ATL2: variants seen among roughly 807,000 people sequenced by gnomAD.
ATL2 encodes atlastin GTPase 2.
A neutral mutation model predicts 73.9 loss-of-function variants in ATL2; 31 were observed. The ratio of observed to expected loss-of-function variants is 0.42; its 90% CI spans 0.32 to 0.57. The LOEUF is 0.57. ATL2 is among the 20% of genes least tolerant of loss of function. The pLI is 0.14. For synonymous variants in ATL2, 291 were observed against 237.5 expected, an observed-to-expected ratio of 1.23 and a Z score of -2.07; for missense variants, 738 against 702.6, an observed-to-expected ratio of 1.05 and a Z score of -0.57.
Position 38,298,266 on chromosome 2 carries a change from A to C in ATL2, c.1510T>G (p.Cys504Gly), listed in dbSNP as rs754623082. 17 of 1,614,082 alleles carry C rather than the reference A, an allele frequency of 1.1e-5. No homozygotes were observed. The change falls in exon 12 of 13, where the codon TGT becomes GGT. Residue 504 changes from cysteine to glycine, a missense_variant. By Grantham distance (159) the Cys-to-Gly change is radical. Coordinates refer to ENST00000378954, the MANE Select transcript of ATL2 (RefSeq NM_001135673.4). ...FIGLNSIAVL[C>G]NLVMGLALIF... ...AGTGCTAACCCCATGACAAGGTTAC[A>C]CAAGACAGCTATAGAGTTTAGGCCA...
chr2:38,322,930 G>C (rs941781811), intron 2 of ATL2, among the ~76,000 whole-genome samples: 7 of 152,150 alleles, frequency 4.6e-5, no homozygotes, highest in African/African-American at 1.7e-4. Flanking sequence ...GAACTAATCA[G>C]ATTCTTTAAA....
At chr2:38,375,272 A>G (rs1388037269) in intron 1 of ATL2, among the ~76,000 whole-genome samples, 1 of 152,200 alleles carries the variant, frequency 6.6e-6, no homozygotes, top group African/African-American at 2.4e-5. Context: ...TTCTCACTTT[A>G]AACACAAATC....
upstream of ATL2, among the ~76,000 whole-genome samples, chr2:38,377,507 A>T (rs1279698323): frequency 7.6e-6 from 1 of 130,910 alleles, no homozygotes; most frequent in African/African-American, 2.9e-5. Context: ...CCCCGGCTCC[A>T]AGTTTCTGGT....
intron 4 of ATL2, among the ~76,000 whole-genome samples, chr2:38,318,154 C>T (rs1010380431): frequency 3.3e-5 from 5 of 151,928 alleles, no homozygotes; most frequent in Non-Finnish European, 7.4e-5. Flanking sequence ...AGTGAGAATC[C>T]ATCTCAAAAA....
chr2:38,358,234 G>A (rs1670792005), intron 1 of ATL2, among the ~76,000 whole-genome samples: 5 of 151,916 alleles, frequency 3.3e-5, no homozygotes, highest in Admixed American at 1.3e-4. Flanking sequence ...AATTTTCAAG[G>A]AAGAAAAAAA....
At chr2:38,319,755 G>T (rs754833445) in intron 2 of ATL2, among the ~76,000 whole-genome samples, 13 of 152,156 alleles carry the variant, frequency 8.5e-5, no homozygotes, top group Admixed American at 3.9e-4. Flanking sequence ...AAACAGCACT[G>T]CTTTCTCAGA....
chr2:38,357,402 T>C (rs1037691585), intron 1 of ATL2, among the ~76,000 whole-genome samples: 8 of 151,362 alleles, frequency 5.3e-5, no homozygotes, highest in Non-Finnish European at 1.2e-4. Context: ...ATTTACTTCC[T>C]ACAGAACCCT....
intron 1 of ATL2, among the ~76,000 whole-genome samples, chr2:38,370,832 T>A (rs369614940): frequency 2.7e-5 from 4 of 150,722 alleles, no homozygotes; most frequent in African/African-American, 9.8e-5. Context: ...TGCAAGCCTG[T>A]AGACCTAGCT....
At chr2:38,330,559 T>C (rs988471480) in intron 2 of ATL2, among the ~76,000 whole-genome samples, 1 of 152,154 alleles carries the variant, frequency 6.6e-6, no homozygotes, top group African/African-American at 2.4e-5. Flanking sequence ...TTCAATTTGT[T>C]TCAAGGATAC....
In ATL2 at chr2:38,299,559, T is replaced by C. The variant is rs576062839; in HGVS notation, c.1129-232A>G. Among the ~76,000 whole-genome samples, 138 of 152,314 alleles carry C rather than the reference T, an allele frequency of 9.1e-4. 1 individual carries two copies. The highest frequency in any genetic ancestry group is 3.2e-3 in the African/African-American group (135 of 41,580). Reference sequence around the variant, plus strand: ...TTGCTTAGGTTGATGTTAAAGTGTGTCTGCAGAAAACACCACATATGCTCA... The same window carrying C: ...TTGCTTAGGTTGATGTTAAAGTGTGCCTGCAGAAAACACCACATATGCTCA... On this transcript the variant is annotated intron_variant, in intron 10 of 12. Coordinates refer to ENST00000378954, the MANE Select transcript of ATL2 (RefSeq NM_001135673.4).
intron 2 of ATL2, among the ~76,000 whole-genome samples, chr2:38,334,859 A>ATT (rs1573511494): frequency 2.2e-5 from 1 of 44,504 alleles, no homozygotes; most frequent in East Asian, 1.4e-3. Flanking sequence ...TTCAATATTT[A>ATT]TATATTATAT....
chr2:38,325,692 ACACCAGT>A (rs1668590829), intron 2 of ATL2, among the ~76,000 whole-genome samples: 2 of 58,548 alleles, frequency 3.4e-5, no homozygotes, highest in Non-Finnish European at 5.4e-5. Flanking sequence ...ACACACACAC[ACACCAGT>A]ACACACACAC....
At chr2:38,362,206 G>T (rs767533117) in intron 1 of ATL2, among the ~76,000 whole-genome samples, 1 of 152,198 alleles carries the variant, frequency 6.6e-6, no homozygotes, top group Non-Finnish European at 1.5e-5. Context: ...TGGTATTTGA[G>T]ATTTCTAGCT....
At chr2:38,305,560 C>CA (rs1191689308) in intron 9 of ATL2, among the ~76,000 whole-genome samples, 3 of 151,512 alleles carry the variant, frequency 2.0e-5, no homozygotes, top group Non-Finnish European at 4.4e-5. Flanking sequence ...AAAAAAAAAT[C>CA]AAAAAAATTG....
chr2:38,311,126 A>C lies in ATL2; in HGVS notation c.805-679T>G, dbSNP rs547263041. On this transcript the variant is annotated intron_variant, in intron 7 of 12. Transcript: ENST00000378954. Reference sequence around the variant, plus strand: ...AGCAACAAAACAGAACAAAACAAAAAAAAAAGTATAAATTTGCCTACAAAT... The same window carrying C: ...AGCAACAAAACAGAACAAAACAAAACAAAAAGTATAAATTTGCCTACAAAT... Among the ~76,000 whole-genome samples the C allele has an allele frequency of 6.1e-5, 9 of 146,556 alleles. No individual in the cohort carries two copies. The East Asian group carries it at 1.7e-3, about 28-fold the overall frequency.
intron 2 of ATL2, among the ~76,000 whole-genome samples, chr2:38,338,699 T>A (rs1230558803): frequency 6.6e-6 from 1 of 152,058 alleles, no homozygotes; most frequent in Non-Finnish European, 1.5e-5. Context: ...AAATATCAAG[T>A]CTGCAGTGGT....
At chr2:38,315,227 G>T in intron 5 of ATL2, 57 bp downstream of exon 5, 6 of 1,388,088 alleles carry the variant, frequency 4.3e-6, no homozygotes, top group South Asian at 1.7e-5. Flanking sequence ...CTCTAGTCTG[G>T]GGAACAAGAG....
intron 1 of ATL2, among the ~76,000 whole-genome samples, chr2:38,370,590 G>C (rs1223282276): frequency 6.6e-6 from 1 of 151,754 alleles, no homozygotes; most frequent in African/African-American, 2.4e-5. Flanking sequence ...GACCAACGTG[G>C]TAAGACCCGT....
At chr2:38,327,334 C>G (rs1365325488) in intron 2 of ATL2, among the ~76,000 whole-genome samples, 1 of 151,794 alleles carries the variant, frequency 6.6e-6, no homozygotes, top group Non-Finnish European at 1.5e-5. Context: ...TAGGAATACG[C>G]TAAGGTAACT....
Sources: gnomAD v4.1 joint callset for allele counts (sites outside exome capture counted in the v4.1 genomes callset) on GRCh38, gnomAD v4.1.1 for gene constraint, MANE v1.5 for transcripts, NCBI Gene and HGNC (gene_info 2026-07-23, HGNC 2026-07-21) for gene names.